The following PLXDC2 variants were observed in gnomAD, a reference collection of about 807,000 sequenced individuals.
PLXDC2 encodes plexin domain-containing protein 2.
PLXDC2 carries 40 observed loss-of-function variants against 68.9 expected under a neutral mutation model. That is an observed-to-expected ratio of 0.58 (90% confidence interval 0.45 to 0.76). The LOEUF (loss-of-function observed/expected upper bound fraction) is 0.76. Among genes scored for constraint, PLXDC2 ranks in the 30% least tolerant of loss-of-function variants. The pLI is 0.00. For synonymous variants in PLXDC2, 243 were observed against 234.2 expected (o/e 1.04, Z -0.34); for missense variants, 644 against 661.9 (o/e 0.97, Z 0.30).
At chr10:19,949,123 C>CAA (rs60138814) in intron 1 of PLXDC2, among the ~76,000 whole-genome samples, 12,709 of 82,686 alleles carry the variant, frequency 0.15, 1,891 homozygotes, top group East Asian at 0.35. Context: ...GAGACTTTGT[C>CAA]AAAAAAAAAA....
intron 1 of PLXDC2, among the ~76,000 whole-genome samples, chr10:19,960,136 T>C (rs1834132193): frequency 6.9e-6 from 1 of 145,498 alleles, no homozygotes; most frequent in South Asian, 2.1e-4. Context: ...GGTAGAAGGA[T>C]TGCTTGAGCC....
At chr10:19,979,163 C>G (rs1834506939) in intron 1 of PLXDC2, among the ~76,000 whole-genome samples, 1 of 152,010 alleles carries the variant, frequency 6.6e-6, no homozygotes, top group African/African-American at 2.4e-5. Context: ...ACCTTTTTCT[C>G]CCACTTCTGC....
At chr10:19,928,831 T>A (rs1203846466) in intron 1 of PLXDC2, among the ~76,000 whole-genome samples, 1 of 149,002 alleles carries the variant, frequency 6.7e-6, no homozygotes, top group African/African-American at 2.5e-5. Context: ...CTTGGCTCAC[T>A]GTAACCTCGG....
intron 1 of PLXDC2, among the ~76,000 whole-genome samples, chr10:20,000,813 C>G (rs1834922811): frequency 6.6e-6 from 1 of 152,120 alleles, no homozygotes; most frequent in Non-Finnish European, 1.5e-5. Flanking sequence ...CTCCTTCTGC[C>G]TTTTGGAACC....
At chr10:20,058,664 A>G (rs1340714815) in intron 3 of PLXDC2, among the ~76,000 whole-genome samples, 1 of 152,216 alleles carries the variant, frequency 6.6e-6, no homozygotes, top group Non-Finnish European at 1.5e-5. Flanking sequence ...AACTGAGAAA[A>G]GGAAGGACCT....
chr10:19,949,868 A>G (rs1223232876), intron 1 of PLXDC2, among the ~76,000 whole-genome samples: 2 of 152,212 alleles, frequency 1.3e-5, no homozygotes, highest in African/African-American at 4.8e-5. Context: ...CAGAAGATGT[A>G]CTGATCATTT....
At chr10:19,988,007 C>G (rs1193109461) in intron 1 of PLXDC2, among the ~76,000 whole-genome samples, 1 of 152,208 alleles carries the variant, frequency 6.6e-6, no homozygotes, top group Non-Finnish European at 1.5e-5. Flanking sequence ...AATTTAGACT[C>G]TTACCACCAA....
chr10:19,922,538 G>C (rs1167090954), intron 1 of PLXDC2, among the ~76,000 whole-genome samples: 1 of 152,130 alleles, frequency 6.6e-6, no homozygotes, highest in Non-Finnish European at 1.5e-5. Flanking sequence ...GTGTCCCTGG[G>C]GTTGGGTTTG....
intron 13 of PLXDC2, among the ~76,000 whole-genome samples, chr10:20,277,620 A>G (rs1230659250): frequency 6.6e-6 from 1 of 152,236 alleles, no homozygotes; most frequent in African/African-American, 2.4e-5. Flanking sequence ...TATTCTAAAA[A>G]GAAAGGAGAA....
At chr10:20,164,256 G>A (rs964758060) in intron 6 of PLXDC2, among the ~76,000 whole-genome samples, 1 of 152,084 alleles carries the variant, frequency 6.6e-6, no homozygotes, top group Admixed American at 6.6e-5. Flanking sequence ...TTTAGAACCA[G>A]GAACTCCCTG....
chr10:20,286,540 C>G lies in PLXDC2; in HGVS notation c.*6721C>G, dbSNP rs1274397473. The G allele has an allele frequency of 6.6e-6, 1 of 152,054 alleles. No homozygotes were observed. The highest frequency in any genetic ancestry group is 2.1e-4 in the South Asian group (1 of 4,838). The allele number at this position is 152,054 out of a possible 1,614,324, so 9.4% of individuals were successfully genotyped here. ...ATATATACATTCATGACCAAAGTAT[C>G]GCTTACTGACCATGCAGCTGTAAAC... On this transcript the variant is annotated 3_prime_UTR_variant, in exon 14 of 14. Transcript: ENST00000377252.
Position 20,162,067 on chromosome 10 carries a change from AGAGAGAAGGAAGGAAGGAAGGAAGGAAG to A in PLXDC2, c.784-2398_784-2371del, listed in dbSNP as rs1210098732. Among the ~76,000 whole-genome samples, 68 of 45,490 alleles carry A rather than the reference AGAGAGAAGGAAGGAAGGAAGGAAGGAAG, an allele frequency of 1.5e-3. 1 individual carries two copies. Among genetic ancestry groups the A allele is most frequent in the African/African-American group, 4.6e-3 (61 of 13,132 alleles). 29.8% of individuals were successfully genotyped at this position (45,490 alleles called of 152,430 possible). On this transcript the variant is annotated intron_variant, in intron 6 of 13. Coordinates refer to ENST00000377252, the MANE Select transcript of PLXDC2 (RefSeq NM_032812.9). ...AAGAGAGAGAGAGAGAGAGAGAGAGAGAGAGAAGGAAGGAAGGAAGGAAGGAAGGAAGGAAGGAAGGAAGGAAGGAAGG... is the reference window on the plus strand; with the variant it reads ...AAGAGAGAGAGAGAGAGAGAGAGAGAGAAGGAAGGAAGGAAGGAAGGAAGG...
intron 1 of PLXDC2, among the ~76,000 whole-genome samples, chr10:19,863,695 T>G (rs913052): frequency 3.9e-5 from 6 of 152,154 alleles, no homozygotes; most frequent in African/African-American, 1.2e-4. Context: ...TGTAGCTTGT[T>G]TATTAAAAAT....
At chr10:20,237,307 T>C (rs754887425) in intron 12 of PLXDC2, among the ~76,000 whole-genome samples, 16 of 152,098 alleles carry the variant, frequency 1.1e-4, no homozygotes, top group Non-Finnish European at 2.1e-4. Context: ...TTCAATCCAC[T>C]CCAATACTGG....
intron 4 of PLXDC2, among the ~76,000 whole-genome samples, chr10:20,075,391 T>C (rs999920550): frequency 6.6e-5 from 10 of 152,110 alleles, no homozygotes; most frequent in Admixed American, 3.3e-4. Flanking sequence ...AGTCTCATTA[T>C]GTTGTCCAGG....
At chr10:19,990,891 T>A (rs879905764) in intron 1 of PLXDC2, among the ~76,000 whole-genome samples, 3 of 152,190 alleles carry the variant, frequency 2.0e-5, no homozygotes, top group Non-Finnish European at 4.4e-5. Context: ...CAGATTTAAA[T>A]GTTTTATTCC....
At chr10:19,998,759 G>GGTA (rs1166954940) in intron 1 of PLXDC2, among the ~76,000 whole-genome samples, 2 of 152,052 alleles carry the variant, frequency 1.3e-5, no homozygotes, top group African/African-American at 4.8e-5. Flanking sequence ...AGCTGTCAAT[G>GGTA]GTAACAGCAA....
chr10:20,014,222 CTCCTTCCTTCCCTCCT>C (rs954329197), intron 2 of PLXDC2, among the ~76,000 whole-genome samples: 14 of 135,792 alleles, frequency 1.0e-4, no homozygotes, highest in Non-Finnish European at 2.0e-4. Context: ...CCTTCCTTCC[CTCCTTCCTTCCCTCCT>C]TCCTTCCTTC....
chr10:20,175,665 CA>C (rs1175289536), intron 7 of PLXDC2, among the ~76,000 whole-genome samples: 1 of 152,010 alleles, frequency 6.6e-6, no homozygotes, highest in African/African-American at 2.4e-5. Flanking sequence ...CCCATTTTTA[CA>C]AAAAATAAGG....
Sources: allele counts gnomAD v4.1 joint callset (sites outside exome capture counted in the v4.1 genomes callset), GRCh38; gene constraint gnomAD v4.1.1; transcripts MANE v1.5; gene names NCBI Gene and HGNC (gene_info 2026-07-23, HGNC 2026-07-21).